The following SLCO2B1 variants were observed in gnomAD, a reference collection of about 807,000 sequenced individuals.
The protein encoded by SLCO2B1 is solute carrier organic anion transporter family member 2B1, also known as OATP-RP2.
A neutral mutation model predicts 67.3 loss-of-function variants in SLCO2B1; 41 were observed. The ratio of observed to expected loss-of-function variants is 0.61; its 90% confidence interval spans 0.47 to 0.79. The LOEUF is 0.79. Among genes scored for constraint, SLCO2B1 ranks in the 30% least tolerant of loss-of-function variants. The pLI is 0.00. For synonymous variants in SLCO2B1, 379 were observed against 381.4 expected (o/e 0.99, Z 0.07); for missense variants, 837 against 920.1 (o/e 0.91, Z 1.17).
rs561790970 is a variant in SLCO2B1, at chr11:75,189,962, G to GA, written c.1075+1741dup. Among the ~76,000 whole-genome samples, 745 of 113,066 alleles carry GA rather than the reference G, an allele frequency of 6.6e-3. 7 individuals carry two copies. The highest frequency in any genetic ancestry group is 0.017 in the African/African-American group (542 of 31,310). 74.2% of individuals were successfully genotyped at this position (113,066 alleles called of 152,430 possible). A position where few individuals can be genotyped will look rare whatever the true frequency, so the allele number is the denominator to read the frequency against. On this transcript the variant is annotated intron_variant, in intron 8 of 13. Coordinates refer to ENST00000289575, the MANE Select transcript of SLCO2B1 (RefSeq NM_007256.5). ...GGGTGACTGAGAGAAACCCTGTCTGGAAAAAAAAAAAAAAAAAGACTTGAT... is the reference window on the plus strand; with the variant it reads ...GGGTGACTGAGAGAAACCCTGTCTGGAAAAAAAAAAAAAAAAAAGACTTGAT...
At chr11:75,191,856 C>T (rs899521128) in intron 8 of SLCO2B1, among the ~76,000 whole-genome samples, 3 of 152,210 alleles carry the variant, frequency 2.0e-5, no homozygotes, top group African/African-American at 7.2e-5. Context: ...TGGGCTGCCC[C>T]TACCAATGAG....
At chr11:75,192,560 C>T (rs1163579016) in intron 8 of SLCO2B1, among the ~76,000 whole-genome samples, 2 of 150,748 alleles carry the variant, frequency 1.3e-5, no homozygotes, top group Non-Finnish European at 2.9e-5. Flanking sequence ...CTGGGTGGGG[C>T]GGGGGAGAGG....
intron 7 of SLCO2B1, among the ~76,000 whole-genome samples, chr11:75,173,496 G>A (rs1351110983): frequency 6.6e-6 from 1 of 152,218 alleles, no homozygotes; most frequent in African/African-American, 2.4e-5. Flanking sequence ...GCACAGTCTA[G>A]GGAGGACACA....
intron 9 of SLCO2B1, among the ~76,000 whole-genome samples, chr11:75,194,652 G>A (rs1326647700): frequency 6.6e-6 from 1 of 152,156 alleles, no homozygotes; most frequent in Non-Finnish European, 1.5e-5. Flanking sequence ...CTTGTTCTAG[G>A]CACTGCAGCG....
Position 75,193,187 on chromosome 11 carries a change from C to A in SLCO2B1, c.1076-31C>A. On this transcript the variant is annotated intron_variant, in intron 8 of 13. Transcript: ENST00000289575. The surrounding 1 kb of genome is among the most constrained non-coding windows in gnomAD (Gnocchi z 4.2). ...TCTGCTGGACAGCTTGGCTGCCCTG[C>A]CTGCCCTGACCTCTGCACTCGCCCC... The A allele has an allele frequency of 6.5e-7, 1 of 1,549,250 alleles. No individual in the cohort carries two copies. The highest frequency in any genetic ancestry group is 8.8e-7 in the Non-Finnish European group (1 of 1,136,974).
Position 75,158,658 on chromosome 11 carries a change from T to C in SLCO2B1, c.17-3997T>C, listed in dbSNP as rs74237436. Among the ~76,000 whole-genome samples the C allele has an allele frequency of 1.2e-4, 18 of 152,342 alleles. No individual in the cohort carries two copies. In the East Asian group the frequency reaches 3.3e-3, roughly 28 times the overall value. ...AAGGTGCCATATTTGGAGAATAGTG[T>C]GTCCTGAATTCCATCAGTAAATACT... is the stretch of plus-strand genomic sequence containing the variant. On this transcript the variant is annotated intron_variant, in intron 1 of 13. Coordinates refer to ENST00000289575, the MANE Select transcript of SLCO2B1 (RefSeq NM_007256.5).
In SLCO2B1 at chr11:75,159,937, G is replaced by C. The variant is rs529830308; in HGVS notation, c.17-2718G>C. On this transcript the variant is annotated intron_variant, in intron 1 of 13. Coordinates refer to ENST00000289575, the MANE Select transcript of SLCO2B1 (RefSeq NM_007256.5). ...GGCTCCATGAGTGGGCAGGTGAGAG[G>C]CCAGGGGGCTGGAACTGGGGCTAGA... is the stretch of plus-strand genomic sequence containing the variant. The C allele has an allele frequency of 5.7e-6, 5 of 872,570 alleles. No homozygotes were observed. The South Asian group carries it at 2.6e-4, about 46-fold the overall frequency. 54.1% of individuals were successfully genotyped at this position (872,570 alleles called of 1,614,324 possible). A position where few individuals can be genotyped will look rare whatever the true frequency, so the allele number is the denominator to read the frequency against.
Position 75,202,822 on chromosome 11 carries a change from G to T in SLCO2B1, c.1764-79G>T. ...GTGGTGGGAGAGAAGGGCATAATAA[G>T]AACCCTTCAACGTTGATGCATGGCC... On this transcript the variant is annotated intron_variant, in intron 11 of 13. Transcript: ENST00000289575. 5 of 1,232,576 alleles carry T rather than the reference G, an allele frequency of 4.1e-6. No homozygotes were observed. In the South Asian group the frequency reaches 4.8e-5, roughly 12 times the overall value. The allele number at this position is 1,232,576 out of a possible 1,614,324, so 76.4% of individuals were successfully genotyped here. A position where few individuals can be genotyped will look rare whatever the true frequency, so the allele number is the denominator to read the frequency against.
rs552133259 is a variant in SLCO2B1, at chr11:75,196,574, C to T, written c.1494C>T (p.Asp498=). The T allele has an allele frequency of 8.5e-5, 137 of 1,614,084 alleles. No individual in the cohort carries two copies. Among genetic ancestry groups the T allele is most frequent in the Non-Finnish European group, 9.6e-5 (113 of 1,180,004 alleles). ...TGGAGGCCTGCTCCTGCCCATTGGA[C>T]GGCTTTAACCCTGTCTGCGACCCCA... ...SCMEACSCPL[D]GFNPVCDPST... The change falls in exon 10 of 14, where the codon GAC becomes GAT. Residue 498 remains aspartate (D), a synonymous_variant. Transcript: ENST00000289575.
chr11:75,174,047 C>G (rs1949996437), intron 7 of SLCO2B1, among the ~76,000 whole-genome samples: 1 of 152,164 alleles, frequency 6.6e-6, no homozygotes, highest in African/African-American at 2.4e-5. Context: ...GGTGATCTGC[C>G]CGCCTCAGCC....
intron 3 of SLCO2B1, among the ~76,000 whole-genome samples, 155 bp from the exon 4 acceptor site, chr11:75,165,632 C>T (rs184162363): frequency 0.01 from 1,575 of 152,332 alleles, 10 homozygotes; most frequent in Non-Finnish European, 0.017. Flanking sequence ...GCCGTGCGGC[C>T]CTTCCGAGGG....
At chr11:75,188,594 T>G (rs1944972868) in intron 8 of SLCO2B1, among the ~76,000 whole-genome samples, 1 of 152,086 alleles carries the variant, frequency 6.6e-6, no homozygotes, top group Non-Finnish European at 1.5e-5. Flanking sequence ...GGCATGATGG[T>G]GGGCACCTGT....
At chr11:75,180,552 A>G (rs1002913454) in intron 7 of SLCO2B1, among the ~76,000 whole-genome samples, 2 of 152,136 alleles carry the variant, frequency 1.3e-5, no homozygotes, top group African/African-American at 2.4e-5. Flanking sequence ...CTATTTTAAT[A>G]TATTATATGG....
chr11:75,169,969 C>T (rs1004444882), intron 6 of SLCO2B1: 2 of 559,304 alleles, frequency 3.6e-6, no homozygotes, highest in Non-Finnish European at 6.4e-6. Flanking sequence ...CAGAGTCCAG[C>T]GAGATGGTGG....
At chr11:75,184,632 G>A (rs1238925538) in intron 7 of SLCO2B1, among the ~76,000 whole-genome samples, 1 of 152,156 alleles carries the variant, frequency 6.6e-6, no homozygotes, top group Non-Finnish European at 1.5e-5. Flanking sequence ...GCTTGGAGCA[G>A]AGTCTTGGTG....
chr11:75,204,160 G>A lies in SLCO2B1; in HGVS notation c.1950-240G>A, dbSNP rs1945232592. On this transcript the variant is annotated intron_variant, in intron 13 of 13. Transcript: ENST00000289575. ...CCTGAGCCCTTGGGCTCGGAGAGAG[G>A]CAGGGCCAGGCCAGGCCACAGAGCA... The A allele has an allele frequency of 1.1e-5, 4 of 365,444 alleles. No individual in the cohort carries two copies. The South Asian group carries it at 3.5e-4, about 32-fold the overall frequency. The allele number at this position is 365,444 out of a possible 1,614,324, so 22.6% of individuals were successfully genotyped here. A position where few individuals can be genotyped will look rare whatever the true frequency, so the allele number is the denominator to read the frequency against.
intron 3 of SLCO2B1, 89 bp downstream of exon 3, chr11:75,164,189 A>G: frequency 7.1e-7 from 1 of 1,409,304 alleles, no homozygotes; most frequent in Non-Finnish European, 9.5e-7. Context: ...ACCCTACCTT[A>G]AGGCCTTCCC....
In SLCO2B1 at chr11:75,204,672, G is replaced by A. The variant is rs2140350913; in HGVS notation, c.*92G>A. 1 of 1,156,068 alleles carries A rather than the reference G, an allele frequency of 8.7e-7. No homozygotes were observed. The highest frequency in any genetic ancestry group is 3.1e-4 in the Middle Eastern group (1 of 3,264). 71.6% of individuals were successfully genotyped at this position (1,156,068 alleles called of 1,614,324 possible). ...CAAGATTGGGTGTCAAGAGCCCTGT[G>A]TTCCATTCTGGCTCCTCCACTAAAT... On this transcript the variant is annotated 3_prime_UTR_variant, in exon 14 of 14. Transcript: ENST00000289575.
At chr11:75,160,254 A>C (rs1949801848) in intron 1 of SLCO2B1, among the ~76,000 whole-genome samples, 1 of 152,234 alleles carries the variant, frequency 6.6e-6, no homozygotes, top group Non-Finnish European at 1.5e-5. Context: ...AGAGAAAAGC[A>C]CTGTGCTTCT....
Sources: gnomAD v4.1 joint callset for allele counts (sites outside exome capture counted in the v4.1 genomes callset) on GRCh38, gnomAD v4.1.1 for gene constraint, Gnocchi (gnomAD v3.1) non-coding constraint, MANE v1.5 for transcripts, NCBI Gene and HGNC (gene_info 2026-07-23, HGNC 2026-07-21) for gene names.